Variants in MBP observed in about 807,000 individuals in gnomAD.
The protein encoded by MBP is Golli-MBP.
MBP carries 16 observed loss-of-function variants against 35.8 expected under a neutral mutation model. The ratio of observed to expected loss-of-function variants is 0.45; its 90% CI spans 0.30 to 0.68. The LOEUF (loss-of-function observed/expected upper bound fraction) is 0.68, where lower values mean the gene tolerates loss of function less well. MBP is among the 30% of genes least tolerant of loss of function. The pLI is 0.08. For synonymous variants in MBP, 143 were observed against 159.6 expected, an observed-to-expected ratio of 0.90 and a Z score of 0.78; for missense variants, 380 against 404.7, an observed-to-expected ratio of 0.94 and a Z score of 0.52.
chr18:77,002,742 G>C (rs1344628707), intron 4 of MBP: 1 of 152,234 alleles, frequency 6.6e-6, no homozygotes, highest in Non-Finnish European at 1.5e-5. Context: ...CTCTTGTGGA[G>C]TGAACGTAGG....
chr18:76,985,108 G>A (rs937778169), intron 7 of MBP: 49 of 1,527,946 alleles, frequency 3.2e-5, no homozygotes, highest in Non-Finnish European at 4.2e-5. Context: ...CGCAGAGAGA[G>A]GAGGGCTCTG....
chr18:77,031,620 G>A (rs1267285102), intron 3 of MBP, among the ~76,000 whole-genome samples: 1 of 152,254 alleles, frequency 6.6e-6, no homozygotes, highest in Non-Finnish European at 1.5e-5. Context: ...AACACTGGGT[G>A]TGCTGACATA....
rs76816679 is a variant in MBP, at chr18:77,007,001, C to A, written c.576+9831G>T. On this transcript the variant is annotated intron_variant, in intron 4 of 8. Coordinates refer to ENST00000355994, the MANE Select transcript of MBP (RefSeq NM_001025101.2). ...AGGCGGAGGCCCTCTGTTCAGCTCG[C>A]GTTTCTCAGCCGCAGGGCAGGGAGT... Among the ~76,000 whole-genome samples, 594 of 152,242 alleles carry A rather than the reference C, an allele frequency of 3.9e-3. 7 individuals are homozygous for A. Among genetic ancestry groups the A allele is most frequent in the African/African-American group, 0.014 (569 of 41,540 alleles).
intron 3 of MBP, among the ~76,000 whole-genome samples, chr18:77,052,401 G>T (rs907448015): frequency 6.6e-6 from 1 of 152,170 alleles, no homozygotes; most frequent in African/African-American, 2.4e-5. Flanking sequence ...AGCTCCCCGG[G>T]TCCCGAGCTG....
intron 4 of MBP, among the ~76,000 whole-genome samples, chr18:77,012,236 G>A (rs1971394754): frequency 6.6e-6 from 1 of 152,182 alleles, no homozygotes; most frequent in Non-Finnish European, 1.5e-5. Flanking sequence ...CCTCATTTCA[G>A]TGTCTCGAGG....
intron 2 of MBP, among the ~76,000 whole-genome samples, chr18:77,100,199 G>A (rs1325095269): frequency 6.6e-6 from 1 of 152,162 alleles, no homozygotes; most frequent in African/African-American, 2.4e-5. Flanking sequence ...ACGTGATGCT[G>A]TCCTTCTAAG....
At chr18:77,086,710 A>G (rs550038120) in intron 2 of MBP, among the ~76,000 whole-genome samples, 3 of 152,268 alleles carry the variant, frequency 2.0e-5, no homozygotes, top group Admixed American at 1.3e-4. Flanking sequence ...AATGCACATT[A>G]TTACAAGCTC....
chr18:77,018,856 TCATCCATCTATCCATCCATC>T lies in MBP; in HGVS notation c.140-1608_140-1589del, dbSNP rs1290978521. Among the ~76,000 whole-genome samples the T allele has an allele frequency of 9.3e-4, 90 of 96,514 alleles. 2 individuals are homozygous for T. The highest frequency in any genetic ancestry group is 3.5e-3 in the African/African-American group (86 of 24,844). The allele number at this position is 96,514 out of a possible 152,430, so 63.3% of individuals were successfully genotyped here. On this transcript the variant is annotated intron_variant, in intron 3 of 8. Coordinates refer to ENST00000355994, the MANE Select transcript of MBP (RefSeq NM_001025101.2). ...TATATCCACCCATCCATCCATCCAC[TCATCCATCTATCCATCCATC>T]CATCCATCCATCCATCCATCCATCC...
chr18:77,074,157 G>C (rs1471821926), intron 2 of MBP, among the ~76,000 whole-genome samples: 1 of 152,206 alleles, frequency 6.6e-6, no homozygotes, highest in Non-Finnish European at 1.5e-5. Flanking sequence ...GGTCCTTGGA[G>C]GTAGACAGTG....
intron 7 of MBP, chr18:76,987,535 T>A (rs1969625955): frequency 1.0e-6 from 1 of 985,736 alleles, no homozygotes; most frequent in South Asian, 4.7e-5. Flanking sequence ...CCTTCTGTTT[T>A]CTTTCCCTGT....
chr18:77,067,765 T>A, intron 2 of MBP: 1 of 488,990 alleles, frequency 2.0e-6, no homozygotes, highest in Non-Finnish European at 4.1e-6. Flanking sequence ...AATCTCTCAT[T>A]TCCTGGGAGC....
At position 76,981,079 on chromosome 18, in the gene MBP, G is replaced by A. The variant is rs141680546; in HGVS notation, c.871-608C>T. The A allele has an allele frequency of 4.1e-4, 63 of 154,084 alleles. 1 individual carries two copies. Among genetic ancestry groups the A allele is most frequent in the African/African-American group, 1.3e-3 (52 of 41,566 alleles). The allele number at this position is 154,084 out of a possible 1,614,324, so 9.5% of individuals were successfully genotyped here. ...ACACGTTTGGGGGACAAATAATTTCGATGTTTAAAAGAGAGTTGGCAGCTA... is the reference window on the plus strand; with the variant it reads ...ACACGTTTGGGGGACAAATAATTTCAATGTTTAAAAGAGAGTTGGCAGCTA... On this transcript the variant is annotated intron_variant, in intron 8 of 8. Coordinates refer to ENST00000355994, the MANE Select transcript of MBP (RefSeq NM_001025101.2).
At chr18:77,045,299 T>C (rs942103594) in intron 3 of MBP, among the ~76,000 whole-genome samples, 9 of 152,132 alleles carry the variant, frequency 5.9e-5, no homozygotes, top group African/African-American at 2.2e-4. Context: ...CGGCAGCACC[T>C]GCCGGCATCA....
At chr18:77,120,323 C>T (rs866963135) in intron 1 of MBP, among the ~76,000 whole-genome samples, 20 of 152,334 alleles carry the variant, frequency 1.3e-4, no homozygotes, top group Admixed American at 5.2e-4. Context: ...TGACCTCAGA[C>T]GCGCTGCACA....
At chr18:77,027,839 G>C (rs930085202) in intron 3 of MBP, among the ~76,000 whole-genome samples, 4 of 152,120 alleles carry the variant, frequency 2.6e-5, no homozygotes, top group Admixed American at 2.6e-4. Flanking sequence ...AGGTACATGA[G>C]ACCATCGCAG....
At chr18:77,042,188 A>C (rs564645769) in intron 3 of MBP, among the ~76,000 whole-genome samples, 2 of 152,292 alleles carry the variant, frequency 1.3e-5, no homozygotes, top group Non-Finnish European at 2.9e-5. Flanking sequence ...TGTATTAAGA[A>C]GCGAGGGCAA....
intron 2 of MBP, among the ~76,000 whole-genome samples, chr18:77,094,063 A>G (rs1270740940): frequency 2.7e-5 from 4 of 147,140 alleles, no homozygotes; most frequent in Non-Finnish European, 6.0e-5. Flanking sequence ...TGCAACCTCC[A>G]CCTCCTGGGT....
At chr18:77,055,447 C>T (rs1007918728) in intron 3 of MBP, among the ~76,000 whole-genome samples, 1 of 152,164 alleles carries the variant, frequency 6.6e-6, no homozygotes, top group Non-Finnish European at 1.5e-5. Flanking sequence ...CCACCTCTGC[C>T]ATCCTCCCTG....
chr18:77,087,983 G>A (rs1975330561), intron 2 of MBP, among the ~76,000 whole-genome samples: 1 of 152,084 alleles, frequency 6.6e-6, no homozygotes, highest in African/African-American at 2.4e-5. Flanking sequence ...GGGAGGAGCA[G>A]GCAGGTTCCC....
Sources: allele counts gnomAD v4.1 joint callset (sites outside exome capture counted in the v4.1 genomes callset), GRCh38; gene constraint gnomAD v4.1.1; transcripts MANE v1.5; gene names NCBI Gene and HGNC (gene_info 2026-07-23, HGNC 2026-07-21).